The following DBR1 variants were observed in gnomAD, a reference collection of about 807,000 sequenced individuals.
The protein encoded by DBR1 is lariat debranching enzyme.
In DBR1, 33 loss-of-function variants were observed where a neutral mutation model predicts 45.9. The ratio of observed to expected loss-of-function variants is 0.72; its 90% confidence interval spans 0.55 to 0.96. The LOEUF (loss-of-function observed/expected upper bound fraction) is 0.96. Ranked by LOEUF, DBR1 falls within the 40% of genes least tolerant of loss-of-function variation. The pLI is 0.00. For synonymous variants in DBR1, 235 were observed against 235.9 expected, an observed-to-expected ratio of 1.00 and a Z score of 0.04; for missense variants, 619 against 667.4, an observed-to-expected ratio of 0.93 and a Z score of 0.80.
At position 138,166,551 on chromosome 3, in the gene DBR1, C is replaced by T. The variant is rs546967348; in HGVS notation, c.714+530G>A. Among the ~76,000 whole-genome samples the T allele has an allele frequency of 9.8e-5, 15 of 152,298 alleles. No homozygotes were observed. In the East Asian group the frequency reaches 2.5e-3, roughly 25 times the overall value. ...TACACAACAATGCTGTCAAACTAAT[C>T]GTTCTGAAATGAAAATCTGATTTCA... is the stretch of plus-strand genomic sequence containing the variant. On this transcript the variant is annotated intron_variant, in intron 5 of 7. Transcript: ENST00000260803.
chr3:138,167,212 A>G lies in DBR1; in HGVS notation c.583T>C (p.Phe195Leu). Reference sequence around the variant, plus strand: ...TTATTTTCCACTTCTTGTCGGAAAAAAGATTTAGTCTTAAGAAGTTGCTTC... The same window carrying G: ...TTATTTTCCACTTCTTGTCGGAAAAGAGATTTAGTCTTAAGAAGTTGCTTC... ...NKKQLLKTKS[F>L]FRQEVENNTL... The change falls in exon 5 of 8, where the codon TTT becomes CTT. Residue 195 changes from phenylalanine (F) to leucine (L), a missense_variant. Physicochemically the swap from Phe to Leu is conservative, Grantham distance 22. Transcript: ENST00000260803. 5.6e-6 allele frequency: 9 copies of G among 1,614,058 alleles called. No individual in the cohort carries two copies. The highest frequency in any genetic ancestry group is 7.6e-6 in the Non-Finnish European group (9 of 1,179,952).
At position 138,167,273 on chromosome 3, in the gene DBR1, A is replaced by G. The variant is rs778886096; in HGVS notation, c.522T>C (p.His174=). The change falls in exon 5 of 8, where the codon CAT becomes CAC. Residue 174 remains histidine (H), a synonymous_variant. Coordinates refer to ENST00000260803, the MANE Select transcript of DBR1 (RefSeq NM_016216.4). The part of the protein sequence containing the change: ...LKQPIDIFLS[H]DWPRSIYHYG... The stretch of plus-strand genomic sequence containing the variant: ...AATGATATATACTTCTTGGCCAATC[A>G]TGAGACAAGAATATATCTATAGGCT... The G allele has an allele frequency of 4.3e-6, 7 of 1,611,094 alleles. No individual in the cohort carries two copies. In the African/African-American group the frequency reaches 6.7e-5, roughly 15 times the overall value.
At position 138,162,519 on chromosome 3, in the gene DBR1, G is replaced by C. The variant is rs1413430930; in HGVS notation, c.1005C>G (p.Leu335=). ...KEVLEKLNHD[L]KVPCNFSVTA... is the part of the protein sequence containing the mutation. ...TTACACTAAAGTTACATGGAACCTT[G>C]AGATCATGATTCAATTTTTCCAATA... is the stretch of plus-strand genomic sequence containing the variant. Residue 335 remains leucine (L), a synonymous_variant, in exon 8 of 8, where the codon CTC becomes CTG. Transcript: ENST00000260803. 2 of 1,613,738 alleles carry C rather than the reference G, an allele frequency of 1.2e-6. No individual in the cohort carries two copies. Among genetic ancestry groups the C allele is most frequent in the East Asian group, 2.2e-5 (1 of 44,858 alleles).
chr3:138,165,840 C>A (rs1325741850), intron 5 of DBR1, among the ~76,000 whole-genome samples: 1 of 152,118 alleles, frequency 6.6e-6, no homozygotes, highest in Non-Finnish European at 1.5e-5. Flanking sequence ...TAGAAAGTGG[C>A]AGTCAGAGGA....
intron 1 of DBR1, among the ~76,000 whole-genome samples, chr3:138,174,140 C>G (rs2042967900): frequency 6.6e-6 from 1 of 151,936 alleles, no homozygotes. Flanking sequence ...AGAACTGTTT[C>G]GAGTTCATTG....
At position 138,174,842 on chromosome 3, in the gene DBR1, C is replaced by G. The variant is rs1225378769; in HGVS notation, c.-47G>C. ...GCGCTGCCTGCAACGCCCTACACCA[C>G]AGCCAGCCCAGGACCGACTGATCGC... On this transcript the variant is annotated 5_prime_UTR_variant, in exon 1 of 8. Coordinates refer to ENST00000260803, the MANE Select transcript of DBR1 (RefSeq NM_016216.4). 6.4e-7 allele frequency: 1 copy of G among 1,573,038 alleles called. No individual in the cohort carries two copies. Among genetic ancestry groups the G allele is most frequent in the Non-Finnish European group, 8.6e-7 (1 of 1,157,612 alleles).
In DBR1 at chr3:138,174,713, G is replaced by C. The variant is rs987960042; in HGVS notation, c.83C>G (p.Pro28Arg). The change falls in exon 1 of 8, where the codon CCG (proline) becomes CGG (arginine). Residue 28 changes from proline (P) to arginine (R), a missense_variant. This residue lies in a region of DBR1 where 430 missense variants were observed against 447.7 expected (regional missense o/e 0.96). Transcript: ENST00000260803. The stretch of plus-strand genomic sequence containing the variant: ...GCACAGCAAGAGGTCGACAGGCCCC[G>C]GGCCGCGCCGCTCTGCCAGCGCCAG... ...ETLALAERRG[P>R]GPVDLLLCCG... 22 of 1,612,606 alleles carry C rather than the reference G, an allele frequency of 1.4e-5. No homozygotes were observed. The highest frequency in any genetic ancestry group is 1.9e-5 in the Non-Finnish European group (22 of 1,179,660).
In DBR1 at chr3:138,161,806, A is replaced by G; in HGVS notation, c.*83T>C. On this transcript the variant is annotated 3_prime_UTR_variant, in exon 8 of 8. Coordinates refer to ENST00000260803, the MANE Select transcript of DBR1 (RefSeq NM_016216.4). Reference sequence around the variant, plus strand: ...GGTTGCGGTGAGCCGAGATCACGCCATTGCACTCCAGTCTAGGTGACAAGA... The same window carrying G: ...GGTTGCGGTGAGCCGAGATCACGCCGTTGCACTCCAGTCTAGGTGACAAGA... 1.8e-6 allele frequency: 2 copies of G among 1,113,642 alleles called. No individual in the cohort carries two copies. The highest frequency in any genetic ancestry group is 2.7e-6 in the Non-Finnish European group (2 of 743,780). The allele number at this position is 1,113,642 out of a possible 1,614,324, so 69.0% of individuals were successfully genotyped here. A position where few individuals can be genotyped will look rare whatever the true frequency, so the allele number is the denominator to read the frequency against.
chr3:138,168,272 C>G (rs1378399315), intron 4 of DBR1, among the ~76,000 whole-genome samples: 14 of 152,052 alleles, frequency 9.2e-5, no homozygotes, highest in Admixed American at 9.2e-4. Context: ...AATCCCAGCA[C>G]TTTAGGAGGC....
At chr3:138,165,692 GCACTC>G (rs201020212) in intron 5 of DBR1, among the ~76,000 whole-genome samples, 2,303 of 151,720 alleles carry the variant, frequency 0.015, 54 homozygotes, top group African/African-American at 0.053. Context: ...TCGCGCCACT[GCACTC>G]CAGCCTGGGC....
intron 5 of DBR1, 120 bp downstream of exon 5, chr3:138,166,961 T>G: frequency 1.2e-6 from 1 of 866,296 alleles, no homozygotes; most frequent in African/African-American, 1.7e-5. Context: ...GAATCATATA[T>G]TGAGCTACTC....
chr3:138,174,555 T>TGC, intron 1 of DBR1, 44 bp downstream of exon 1: 52 of 1,437,500 alleles, frequency 3.6e-5, no homozygotes, highest in Non-Finnish European at 4.1e-5. Flanking sequence ...GGGAACCCAG[T>TGC]CCCACCCCCC....
chr3:138,164,795 T>G (rs1391427667), intron 5 of DBR1, among the ~76,000 whole-genome samples: 1 of 152,188 alleles, frequency 6.6e-6, no homozygotes, highest in Non-Finnish European at 1.5e-5. Flanking sequence ...TACAAGCATG[T>G]GCTAACATGC....
chr3:138,174,493 A>C, intron 1 of DBR1, 106 bp downstream of exon 1: 1 of 1,185,302 alleles, frequency 8.4e-7, no homozygotes, highest in South Asian at 1.5e-5. Context: ...CCAATTAGAG[A>C]TACAGAGAGA....
rs567068672 is a variant in DBR1, at chr3:138,162,637, T to G, written c.942-55A>C. Reference sequence around the variant, plus strand: ...CATTTTATCAGCTCTAAACAATAAATGATGAAATCTAATTACAGACTTCAG... The same window carrying G: ...CATTTTATCAGCTCTAAACAATAAAGGATGAAATCTAATTACAGACTTCAG... On this transcript the variant is annotated intron_variant, in intron 7 of 7. Transcript: ENST00000260803. The G allele has an allele frequency of 2.0e-5, 28 of 1,398,898 alleles. No individual in the cohort carries two copies. The Admixed American group carries it at 3.9e-4, about 19-fold the overall frequency. The allele number at this position is 1,398,898 out of a possible 1,614,324, so 86.7% of individuals were successfully genotyped here.
At chr3:138,174,439 C>T (rs1416853492) in intron 1 of DBR1, among the ~76,000 whole-genome samples, 160 bp downstream of exon 1, 3 of 152,182 alleles carry the variant, frequency 2.0e-5, no homozygotes, top group African/African-American at 7.2e-5. Context: ...GAACTGAATA[C>T]ATTTCCCGCC....
At chr3:138,173,752 T>C in intron 1 of DBR1, 126 bp from the exon 2 acceptor site, 1 of 1,101,874 alleles carries the variant, frequency 9.1e-7, no homozygotes, top group Non-Finnish European at 1.3e-6. Flanking sequence ...AGGAATTGCC[T>C]GGGGCTGGGC....
At position 138,171,807 on chromosome 3, in the gene DBR1, T is replaced by C. The variant is rs1323839584; in HGVS notation, c.323-94A>G. 3 of 913,836 alleles carry C rather than the reference T, an allele frequency of 3.3e-6. No homozygotes were observed. The Admixed American group carries it at 6.7e-5, about 20-fold the overall frequency. 56.6% of individuals were successfully genotyped at this position (913,836 alleles called of 1,614,324 possible). On this transcript the variant is annotated intron_variant, in intron 2 of 7. Transcript: ENST00000260803. ...CCATTTAGATGGAATTCCACACAGTTCTAAAATTATTTGAAAATTAAGCAC... is the reference window on the plus strand; with the variant it reads ...CCATTTAGATGGAATTCCACACAGTCCTAAAATTATTTGAAAATTAAGCAC...
chr3:138,161,914 T>A lies in DBR1; in HGVS notation c.1610A>T (p.Asp537Val). 6.2e-7 allele frequency: 1 copy of A among 1,612,690 alleles called. No homozygotes were observed. The highest frequency in any genetic ancestry group is 8.5e-7 in the Non-Finnish European group (1 of 1,178,712). The change falls in exon 8 of 8, where the codon GAT (aspartate) becomes GTT (valine). Residue 537 changes from aspartate to valine, a missense_variant. Physicochemically the swap from Asp to Val is radical, Grantham distance 152. Transcript: ENST00000260803. ...TTAAGCTGCATCGTCATCATCATCA[T>A]CCACTGCAGCGTAAATGGCTTGATT... The part of the protein sequence containing the change: ...RRNQAIYAAV[D>V]DDDDDAA
Sources: gnomAD v4.1 joint callset for allele counts (sites outside exome capture counted in the v4.1 genomes callset) on GRCh38, gnomAD v4.1.1 for gene constraint, gnomAD v4.1.1 regional missense constraint, MANE v1.5 for transcripts, NCBI Gene and HGNC (gene_info 2026-07-23, HGNC 2026-07-21) for gene names.